Variants in ABCC6 observed in about 807,000 individuals in gnomAD.
ABCC6 encodes the protein ATP binding cassette subfamily C member 6, also known as ATP-binding cassette sub-family C member 6.
In ABCC6, 126 loss-of-function variants were observed where a neutral mutation model predicts 169.5. That is an observed-to-expected ratio of 0.74 (90% confidence interval 0.64 to 0.86). ABCC6 has a LOEUF of 0.86. ABCC6 is among the 40% of genes least tolerant of loss of function. The pLI, the probability that ABCC6 is intolerant of heterozygous loss-of-function variation, is 0.00. For missense variants in ABCC6, 1,733 were observed against 1,927.2 expected (o/e 0.90, Z 1.89); for synonymous variants, 752 against 814.7 (o/e 0.92, Z 1.31).
At chr16:16,212,971 T>C (rs1039018328) in intron 5 of ABCC6, among the ~76,000 whole-genome samples, 10 of 152,170 alleles carry the variant, frequency 6.6e-5, no homozygotes, top group Non-Finnish European at 1.3e-4. Flanking sequence ...AGGTGCCCAT[T>C]TCACCACGTT....
At chr16:16,197,990 G>T (rs144036878) in intron 10 of ABCC6, 31 bp downstream of exon 10, 1 of 1,607,066 alleles carries the variant, frequency 6.2e-7, no homozygotes, top group South Asian at 1.1e-5. Context: ...GGGGGACTCC[G>T]TTCAAATCCC....
chr16:16,163,594 A>C (rs937773593), intron 23 of ABCC6, among the ~76,000 whole-genome samples: 1 of 152,162 alleles, frequency 6.6e-6, no homozygotes, highest in Non-Finnish European at 1.5e-5. Context: ...ACGGCTGGTC[A>C]GTGGGAGAAC....
chr16:16,154,144 G>C (rs951798927), intron 29 of ABCC6, among the ~76,000 whole-genome samples: 5 of 151,762 alleles, frequency 3.3e-5, no homozygotes, highest in African/African-American at 4.8e-5. Context: ...ATAGGGTCTT[G>C]CTATGTTGCC....
chr16:16,154,672 G>A lies in ABCC6; in HGVS notation c.4164C>T (p.Pro1388=), dbSNP rs373736094. Residue 1388 remains proline (P), a synonymous_variant, in exon 29 of 31, where the codon CCC becomes CCT. Transcript: ENST00000205557. ...VQLKALVASL[P]GQLQYKCADR... is the part of the protein sequence containing the mutation. ...CAGCACACTTGTACTGCAGCTGGCCGGGCAGGCTGGCCACCAAGGCTTTGA... is the reference window on the plus strand; with the variant it reads ...CAGCACACTTGTACTGCAGCTGGCCAGGCAGGCTGGCCACCAAGGCTTTGA... 23 of 1,612,992 alleles carry A rather than the reference G, an allele frequency of 1.4e-5. No individual in the cohort carries two copies. Among genetic ancestry groups the A allele is most frequent in the African/African-American group, 5.3e-5 (4 of 74,898 alleles).
intron 29 of ABCC6, among the ~76,000 whole-genome samples, chr16:16,152,557 A>C (rs1235280174): frequency 6.6e-6 from 1 of 151,966 alleles, no homozygotes; most frequent in African/African-American, 2.4e-5. Flanking sequence ...TAAAATGAGT[A>C]TTTACTCTTT....
chr16:16,173,480 C>T (rs1467169646), intron 20 of ABCC6, 76 bp from the exon 21 acceptor site: 1 of 1,547,560 alleles, frequency 6.5e-7, no homozygotes, highest in Non-Finnish European at 8.9e-7. Flanking sequence ...CCCTCAGGCC[C>T]ACTGACAGCC....
rs749673884 is a variant in ABCC6 at position 16,188,983 on chromosome 16, T to TG, written c.1636-10dup. 1.4e-5 allele frequency: 23 copies of TG among 1,605,276 alleles called. No individual in the cohort carries two copies. Among genetic ancestry groups the TG allele is most frequent in the Middle Eastern group, 1.7e-4 (1 of 6,060 alleles). Reference sequence around the variant, plus strand: ...AACACCACCAGTGCGACCTGGGGGGTGGGGGGGACACGTGGGGCAACAGTG... The same window carrying TG: ...AACACCACCAGTGCGACCTGGGGGGTGGGGGGGGACACGTGGGGCAACAGTG... On this transcript the variant is annotated splice_polypyrimidine_tract_variant and intron_variant, in intron 12 of 30. Transcript: ENST00000205557.
At chr16:16,222,004 G>T (rs1159397863) in intron 1 of ABCC6, among the ~76,000 whole-genome samples, 173 bp from the exon 2 acceptor site, 1 of 152,194 alleles carries the variant, frequency 6.6e-6, no homozygotes, top group Non-Finnish European at 1.5e-5. Flanking sequence ...TTAACCCTAG[G>T]TAGTTGCAAT....
intron 29 of ABCC6, among the ~76,000 whole-genome samples, chr16:16,152,018 C>T (rs2046398756): frequency 1.3e-5 from 2 of 151,726 alleles, no homozygotes; most frequent in Non-Finnish European, 2.9e-5. Context: ...CGGTGAAACC[C>T]TGTATGTACT....
At chr16:16,191,996 G>A (rs1241771596) in intron 11 of ABCC6, among the ~76,000 whole-genome samples, 2 of 152,170 alleles carry the variant, frequency 1.3e-5, no homozygotes, top group Non-Finnish European at 2.9e-5. Context: ...TGTAGGTTGT[G>A]GGAAGTGCTG....
chr16:16,220,606 A>T (rs1020802101), intron 2 of ABCC6, among the ~76,000 whole-genome samples: 4 of 152,126 alleles, frequency 2.6e-5, no homozygotes, highest in African/African-American at 9.7e-5. Context: ...TTTTATTGAA[A>T]CGCAGTCGGC....
chr16:16,157,931 A>C (rs1435504001), intron 26 of ABCC6, 122 bp from the exon 27 acceptor site: 3 of 1,127,028 alleles, frequency 2.7e-6, no homozygotes, highest in Non-Finnish European at 3.7e-6. Context: ...GCTGTTTTAC[A>C]GGGTTGTTAT....
chr16:16,181,367 A>G (rs1285853457), intron 17 of ABCC6, among the ~76,000 whole-genome samples: 2,204 of 37,794 alleles, frequency 0.058, 26 homozygotes, highest in African/African-American at 0.078. Flanking sequence ...AAAAAAAAAA[A>G]AGAGAAAAAG....
At chr16:16,168,851 C>T (rs998708494) in intron 22 of ABCC6, among the ~76,000 whole-genome samples, 13 of 152,062 alleles carry the variant, frequency 8.5e-5, no homozygotes, top group Admixed American at 7.2e-4. Flanking sequence ...GAGGCCGAGG[C>T]GGGCAGATCA....
At chr16:16,189,095 T>G in intron 12 of ABCC6, 121 bp from the exon 13 acceptor site, 1 of 1,168,774 alleles carries the variant, frequency 8.6e-7, no homozygotes, top group Non-Finnish European at 1.3e-6. Flanking sequence ...CGCATGTGCT[T>G]CCCTCCGTAG....
rs747292090 is a variant in ABCC6 at position 16,208,848 on chromosome 16, C to T, written c.674G>A (p.Arg225Lys). Reference sequence around the variant, plus strand: ...TGGTCTCAGTGGCCTCCTGTATCCCCTCCAGACCAGGCTGCAAAAGAGGGG... The same window carrying T: ...TGGTCTCAGTGGCCTCCTGTATCCCTTCCAGACCAGGCTGCAAAAGAGGGG... ...TFWWVSGLVW[R>K]GYRRPLRPKD... is the part of the protein sequence containing the mutation. Residue 225 changes from arginine to lysine, a missense_variant, in exon 7 of 31, where the codon AGG becomes AAG. Coordinates refer to ENST00000205557, the MANE Select transcript of ABCC6 (RefSeq NM_001171.6). 50 of 1,613,424 alleles carry T rather than the reference C, an allele frequency of 3.1e-5. No homozygotes were observed. Among genetic ancestry groups the T allele is most frequent in the Non-Finnish European group, 3.5e-5 (41 of 1,179,772 alleles).
At chr16:16,219,314 T>C (rs2048995837) in intron 4 of ABCC6, among the ~76,000 whole-genome samples, 1 of 152,060 alleles carries the variant, frequency 6.6e-6, no homozygotes. Flanking sequence ...GTGCATCGTG[T>C]GCAAGTGGCA....
In ABCC6 at chr16:16,161,338, T is replaced by G. The variant is rs3851721; in HGVS notation, c.3633+100A>C. On this transcript the variant is annotated intron_variant, in intron 25 of 30. Coordinates refer to ENST00000205557, the MANE Select transcript of ABCC6 (RefSeq NM_001171.6). Reference sequence around the variant, plus strand: ...TGGTGGAGGGACTCCACACACCATGTTGGTTTGGACACAGGGTCTTCAAAG... The same window carrying G: ...TGGTGGAGGGACTCCACACACCATGGTGGTTTGGACACAGGGTCTTCAAAG... The G allele has an allele frequency of 1, 1,557,680 of 1,563,882 alleles. 775,950 individuals are homozygous for G. Among genetic ancestry groups the G allele is most frequent in the East Asian group, 1 (43,986 of 43,986 alleles).
At chr16:16,222,487 C>G (rs2049107385) in intron 1 of ABCC6, among the ~76,000 whole-genome samples, 1 of 152,114 alleles carries the variant, frequency 6.6e-6, no homozygotes, top group Non-Finnish European at 1.5e-5. Flanking sequence ...AAGCAATCCT[C>G]CCACCTCGGC....
Sources: allele counts gnomAD v4.1 joint callset (sites outside exome capture counted in the v4.1 genomes callset), GRCh38; gene constraint gnomAD v4.1.1; transcripts MANE v1.5; gene names NCBI Gene and HGNC (gene_info 2026-07-23, HGNC 2026-07-21).